The following GOLIM4 variants were observed in gnomAD, a reference collection of about 807,000 sequenced individuals.
GOLIM4 encodes the protein golgi integral membrane protein 4, also known as 130 kDa golgi-localized phosphoprotein.
A neutral mutation model predicts 107.4 loss-of-function variants in GOLIM4; 71 were observed. The observed-to-expected ratio is 0.66, with a 90% CI of 0.55 to 0.81. The LOEUF (loss-of-function observed/expected upper bound fraction) is 0.81, where lower values mean the gene tolerates loss of function less well. Ranked by LOEUF, GOLIM4 falls within the 30% of genes least tolerant of loss-of-function variation. The pLI is 0.00. For synonymous variants in GOLIM4, 327 were observed against 294.8 expected (o/e 1.11, Z -1.12); for missense variants, 830 against 826.1 (o/e 1.00, Z -0.06).
intron 1 of GOLIM4, among the ~76,000 whole-genome samples, chr3:168,060,698 G>C (rs1233451287): frequency 1.3e-5 from 2 of 152,168 alleles, no homozygotes; most frequent in East Asian, 1.9e-4. Flanking sequence ...TAAGAATGTG[G>C]AGTGCTTGTT....
chr3:168,092,054 G>A (rs1393623558), intron 1 of GOLIM4, among the ~76,000 whole-genome samples: 3 of 152,176 alleles, frequency 2.0e-5, no homozygotes, highest in African/African-American at 4.8e-5. Context: ...CCCATAGACT[G>A]TTATTTAATT....
chr3:168,075,441 C>T lies in GOLIM4; in HGVS notation c.187+19658G>A, dbSNP rs1035720689. 2.1e-3 allele frequency among the ~76,000 whole-genome samples: 311 copies of T among 149,808 alleles called. 1 individual carries two copies. The highest frequency in any genetic ancestry group is 4.5e-3 in the Admixed American group (68 of 15,136). On this transcript the variant is annotated intron_variant, in intron 1 of 15. Coordinates refer to ENST00000470487, the MANE Select transcript of GOLIM4 (RefSeq NM_014498.5). ...CCTCCCAAGTAGCTGGGACTACAGG[C>T]ACCCGCCACTACGCCCGGCTAATTT...
At chr3:168,069,736 G>C (rs1019436258) in intron 1 of GOLIM4, among the ~76,000 whole-genome samples, 1 of 151,948 alleles carries the variant, frequency 6.6e-6, no homozygotes, top group African/African-American at 2.4e-5. Context: ...CTTTCAAAGA[G>C]CATTCAAAAT....
intron 1 of GOLIM4, among the ~76,000 whole-genome samples, chr3:168,088,227 GA>G (rs1721723132): frequency 1.3e-5 from 2 of 152,082 alleles, no homozygotes; most frequent in South Asian, 2.1e-4. Flanking sequence ...GACAGAGTGA[GA>G]ATATCTTAAT....
At chr3:168,080,826 G>A (rs114110946) in intron 1 of GOLIM4, among the ~76,000 whole-genome samples, 3,389 of 152,258 alleles carry the variant, frequency 0.022, 133 homozygotes, top group African/African-American at 0.078. Flanking sequence ...ATAAACTACT[G>A]TGAAATTTTT....
chr3:168,041,339 T>C, intron 6 of GOLIM4, 53 bp downstream of exon 6: 2 of 1,025,906 alleles, frequency 1.9e-6, no homozygotes, highest in Non-Finnish European at 3.1e-6. Context: ...AAAGTCATTC[T>C]ACCAAATAAA....
chr3:168,023,316 A>T (rs1165018380), intron 14 of GOLIM4, among the ~76,000 whole-genome samples: 1 of 152,220 alleles, frequency 6.6e-6, no homozygotes, highest in Non-Finnish European at 1.5e-5. Context: ...CTTTCTGACA[A>T]GACAGCCAAG....
chr3:168,040,796 G>A lies in GOLIM4; in HGVS notation c.674C>T (p.Ala225Val), dbSNP rs755330483. Residue 225 changes from alanine (A) to valine (V), a missense_variant, in exon 7 of 16, where the codon GCT (alanine) becomes GTT (valine). Physicochemically the swap from Ala to Val is moderately conservative, Grantham distance 64. Transcript: ENST00000470487. The part of the protein sequence containing the change: ...VTLEDHKSAL[A>V]AAQTQVAEYK... ...TGCTACCCTTCTAACCTGTGCAGCA[G>A]CTAGTGCACTCTTGTGGTCTTCCAA... 4.4e-6 allele frequency: 7 copies of A among 1,608,144 alleles called. No individual in the cohort carries two copies. The Admixed American group carries it at 1.2e-4, about 27-fold the overall frequency.
intron 1 of GOLIM4, among the ~76,000 whole-genome samples, chr3:168,057,348 T>G (rs566284534): frequency 6.6e-6 from 1 of 152,210 alleles, no homozygotes; most frequent in Non-Finnish European, 1.5e-5. Context: ...ATTGTAGTCA[T>G]GTATTAGTCT....
chr3:168,054,683 T>A (rs1254733010), intron 1 of GOLIM4, among the ~76,000 whole-genome samples: 1 of 152,120 alleles, frequency 6.6e-6, no homozygotes, highest in Non-Finnish European at 1.5e-5. Context: ...TAATTTTTAC[T>A]TATTAATTCC....
At chr3:168,077,211 CTG>C (rs1334315904) in intron 1 of GOLIM4, among the ~76,000 whole-genome samples, 1 of 152,210 alleles carries the variant, frequency 6.6e-6, no homozygotes, top group African/African-American at 2.4e-5. Flanking sequence ...TCCCTCACTA[CTG>C]TAATGATACA....
At chr3:168,056,654 G>C (rs866376126) in intron 1 of GOLIM4, among the ~76,000 whole-genome samples, 3 of 152,352 alleles carry the variant, frequency 2.0e-5, no homozygotes, top group Middle Eastern at 6.8e-3. Context: ...GGAATCAAAG[G>C]AGATAGTTCC....
intron 1 of GOLIM4, among the ~76,000 whole-genome samples, chr3:168,073,118 A>G (rs1720915712): frequency 6.6e-6 from 1 of 152,170 alleles, no homozygotes; most frequent in African/African-American, 2.4e-5. Context: ...AACTGCACTA[A>G]CCCTAAAATA....
intron 1 of GOLIM4, among the ~76,000 whole-genome samples, chr3:168,076,334 C>T (rs1336845482): frequency 1.3e-5 from 2 of 152,162 alleles, no homozygotes; most frequent in Admixed American, 6.5e-5. Context: ...CATGCTCTAA[C>T]TTGTTCTGTT....
Position 168,035,614 on chromosome 3 carries a change from T to C in GOLIM4, c.843+1222A>G, listed in dbSNP as rs569894877. ...CTAAATGATGAGACACATAAGCACA[T>C]AGAGGGGAACAACACACTGTACGGC... On this transcript the variant is annotated intron_variant, in intron 8 of 15. Transcript: ENST00000470487. 8.5e-5 allele frequency among the ~76,000 whole-genome samples: 13 copies of C among 152,156 alleles called. No homozygotes were observed. In the South Asian group the frequency reaches 1.0e-3, roughly 12 times the overall value.
intron 14 of GOLIM4, among the ~76,000 whole-genome samples, chr3:168,015,990 T>C (rs1717341240): frequency 7.5e-6 from 1 of 133,788 alleles, no homozygotes; most frequent in Non-Finnish European, 1.5e-5. Context: ...GGCAAGGACT[T>C]CATGTCTAAA....
intron 6 of GOLIM4, 157 bp from the exon 7 acceptor site, chr3:168,041,026 C>T (rs191978326): frequency 3.6e-4 from 200 of 552,796 alleles, no homozygotes; most frequent in African/African-American, 3.3e-3. Flanking sequence ...GAGAACACTA[C>T]GCTTTATGTA....
intron 14 of GOLIM4, among the ~76,000 whole-genome samples, chr3:168,019,392 TAAACA>T (rs1717556521): frequency 1.3e-5 from 2 of 152,182 alleles, no homozygotes; most frequent in Non-Finnish European, 2.9e-5. Context: ...CTAAAAACAA[TAAACA>T]ACTTATATAA....
intron 14 of GOLIM4, among the ~76,000 whole-genome samples, chr3:168,018,927 T>C (rs1457663903): frequency 1.3e-5 from 2 of 151,352 alleles, no homozygotes; most frequent in East Asian, 1.9e-4. Flanking sequence ...AGCAAATACT[T>C]AGGCTTTCTT....
Sources: allele counts gnomAD v4.1 joint callset (sites outside exome capture counted in the v4.1 genomes callset), GRCh38; gene constraint gnomAD v4.1.1; transcripts MANE v1.5; gene names NCBI Gene and HGNC (gene_info 2026-07-23, HGNC 2026-07-21).